Variants in LRP1B observed in about 807,000 individuals in gnomAD.
LRP1B encodes low-density lipoprotein receptor-related protein 1B.
LRP1B carries 217 observed loss-of-function variants against 556.6 expected under a neutral mutation model. The observed-to-expected ratio is 0.39, with a 90% CI of 0.35 to 0.44. The LOEUF is 0.44. LRP1B is among the 20% of genes least tolerant of loss of function. The pLI is 1.00. For missense variants in LRP1B, 5,053 were observed against 5,620.8 expected (o/e 0.90, Z 3.23); for synonymous variants, 2,047 against 1,865.8 (o/e 1.10, Z -2.50).
At chr2:140,853,467 C>T (rs181636384) in intron 27 of LRP1B, among the ~76,000 whole-genome samples, 11 of 152,084 alleles carry the variant, frequency 7.2e-5, no homozygotes, top group Admixed American at 7.2e-4. Flanking sequence ...CAGCCATGAA[C>T]CTGAGATGGG....
At chr2:141,751,545 C>T (rs1694113552) in intron 2 of LRP1B, among the ~76,000 whole-genome samples, 1 of 152,048 alleles carries the variant, frequency 6.6e-6, no homozygotes, top group Admixed American at 6.6e-5. Flanking sequence ...TGGAAGTCTG[C>T]TTCATAAACT....
intron 3 of LRP1B, among the ~76,000 whole-genome samples, chr2:141,284,218 G>A (rs867059662): frequency 3.3e-5 from 5 of 152,242 alleles, no homozygotes; most frequent in Middle Eastern, 3.4e-3. Context: ...AAGGACTGGG[G>A]AACTCAATAA....
At chr2:141,678,850 G>A (rs986887076) in intron 2 of LRP1B, among the ~76,000 whole-genome samples, 1 of 152,132 alleles carries the variant, frequency 6.6e-6, no homozygotes, top group African/African-American at 2.4e-5. Context: ...GATGGCTTTA[G>A]ATGATACCCA....
At chr2:140,429,454 A>G (rs1297091029) in intron 66 of LRP1B, among the ~76,000 whole-genome samples, 1 of 151,988 alleles carries the variant, frequency 6.6e-6, no homozygotes, top group African/African-American at 2.4e-5. Flanking sequence ...ACTTGGACTG[A>G]CCCTGACACC....
intron 6 of LRP1B, among the ~76,000 whole-genome samples, chr2:141,206,131 T>TCA (rs10556736): frequency 0.043 from 6,369 of 149,484 alleles, 147 homozygotes; most frequent in Middle Eastern, 0.062. Flanking sequence ...AGTGTACTAT[T>TCA]CACACACACA....
In LRP1B at chr2:142,099,489, A is replaced by AT. The variant is rs1706497400; in HGVS notation, c.82+31158dup. ...ATTTCAAACCAATTTGATAAAATTA[A>AT]TTGATAATTTATGATAAGAAAGGCA... On this transcript the variant is annotated intron_variant, in intron 1 of 90. Transcript: ENST00000389484. Among the ~76,000 whole-genome samples, 3 of 151,998 alleles carry AT rather than the reference A, an allele frequency of 2.0e-5. No homozygotes were observed. In the South Asian group the frequency reaches 6.2e-4, roughly 31 times the overall value.
At chr2:141,307,928 C>T (rs1042878024) in intron 3 of LRP1B, among the ~76,000 whole-genome samples, 3 of 152,034 alleles carry the variant, frequency 2.0e-5, no homozygotes, top group African/African-American at 7.2e-5. Context: ...CTCTCTGGCT[C>T]CCAAGTGCTT....
intron 60 of LRP1B, among the ~76,000 whole-genome samples, chr2:140,458,404 C>T (rs188011061): frequency 6.6e-6 from 1 of 152,074 alleles, no homozygotes. Context: ...ATCCAGGGTC[C>T]TATCCAGTAA....
At chr2:142,039,970 A>C (rs186185920) in intron 1 of LRP1B, among the ~76,000 whole-genome samples, 9 of 151,514 alleles carry the variant, frequency 5.9e-5, no homozygotes, top group Admixed American at 5.9e-4. Flanking sequence ...ACCCCAACTA[A>C]TTGTATTGTT....
At chr2:141,337,278 A>C (rs72977022) in intron 3 of LRP1B, among the ~76,000 whole-genome samples, 3 of 152,142 alleles carry the variant, frequency 2.0e-5, no homozygotes. Context: ...TTTTATTTAT[A>C]TTTCCATAAT....
chr2:141,634,167 T>C (rs1689014588), intron 2 of LRP1B, among the ~76,000 whole-genome samples: 1 of 151,948 alleles, frequency 6.6e-6, no homozygotes, highest in African/African-American at 2.4e-5. Context: ...ATTTCTAATA[T>C]AATGTGCTCA....
chr2:140,674,631 G>C (rs1685607011), intron 41 of LRP1B, among the ~76,000 whole-genome samples: 1 of 152,178 alleles, frequency 6.6e-6, no homozygotes, highest in African/African-American at 2.4e-5. Flanking sequence ...TCTCACATGT[G>C]TTGATTGATG....
At chr2:140,551,640 G>T (rs937300345) in intron 43 of LRP1B, among the ~76,000 whole-genome samples, 1 of 152,160 alleles carries the variant, frequency 6.6e-6, no homozygotes, top group Non-Finnish European at 1.5e-5. Flanking sequence ...TAAAGATTCT[G>T]CCTCTGCTGT....
intron 77 of LRP1B, among the ~76,000 whole-genome samples, chr2:140,345,590 A>T: frequency 6.7e-6 from 1 of 149,536 alleles, no homozygotes; most frequent in Non-Finnish European, 1.5e-5. Context: ...TATGTCCTCT[A>T]TTCTGCTATT....
intron 3 of LRP1B, among the ~76,000 whole-genome samples, chr2:141,256,097 A>G (rs2714210): frequency 0.14 from 21,069 of 151,946 alleles, 1,510 homozygotes; most frequent in South Asian, 0.22. Flanking sequence ...ATAGTAGCAA[A>G]ACACATATGC....
At chr2:141,290,050 A>G (rs1685881465) in intron 3 of LRP1B, among the ~76,000 whole-genome samples, 1 of 152,210 alleles carries the variant, frequency 6.6e-6, no homozygotes, top group South Asian at 2.1e-4. Flanking sequence ...TCACAAGTAA[A>G]GGAATCAGAA....
Position 140,371,293 on chromosome 2 carries a change from C to T in LRP1B, c.10769-8G>A, listed in dbSNP as rs779785127. Reference sequence around the variant, plus strand: ...ATGAGCAAGTAGGAGAAGCTGAATACAATTATAAATTTGAAATTGAGATAG... The same window carrying T: ...ATGAGCAAGTAGGAGAAGCTGAATATAATTATAAATTTGAAATTGAGATAG... On this transcript the variant is annotated splice_polypyrimidine_tract_variant and splice_region_variant and intron_variant, in intron 69 of 90. Coordinates refer to ENST00000389484, the MANE Select transcript of LRP1B (RefSeq NM_018557.3). 1 of 1,484,386 alleles carries T rather than the reference C, an allele frequency of 6.7e-7. No homozygotes were observed. The highest frequency in any genetic ancestry group is 9.1e-7 in the Non-Finnish European group (1 of 1,095,198). The allele number at this position is 1,484,386 out of a possible 1,614,324, so 92.0% of individuals were successfully genotyped here. A position where few individuals can be genotyped will look rare whatever the true frequency, so the allele number is the denominator to read the frequency against.
At chr2:140,638,351 A>G (rs1318455739) in intron 41 of LRP1B, among the ~76,000 whole-genome samples, 2 of 152,146 alleles carry the variant, frequency 1.3e-5, no homozygotes, top group East Asian at 1.9e-4. Context: ...TGAGTAGGTG[A>G]CTTTCTTACC....
At chr2:140,533,656 C>T (rs1035597301) in intron 47 of LRP1B, among the ~76,000 whole-genome samples, 3 of 152,060 alleles carry the variant, frequency 2.0e-5, no homozygotes, top group African/African-American at 7.2e-5. Flanking sequence ...GTTTCCCGTC[C>T]AGTGGTTAGG....
Sources: gnomAD v4.1 joint callset for allele counts (sites outside exome capture counted in the v4.1 genomes callset) on GRCh38, gnomAD v4.1.1 for gene constraint, MANE v1.5 for transcripts, NCBI Gene and HGNC (gene_info 2026-07-23, HGNC 2026-07-21) for gene names.